Variants in TMEM80 observed in about 807,000 individuals in gnomAD.
The protein encoded by TMEM80 is transmembrane protein 80.
A neutral mutation model predicts 13.6 loss-of-function variants in TMEM80; 16 were observed. That is an observed-to-expected ratio of 1.17 (90% CI 0.79 to 1.78). The LOEUF is 1.78. TMEM80 is among the 40% of genes most tolerant of loss of function. TMEM80 has a pLI of 0.00. For missense variants in TMEM80, 167 were observed against 184.6 expected, an observed-to-expected ratio of 0.90 and a Z score of 0.55; for synonymous variants, 92 against 89.5, an observed-to-expected ratio of 1.03 and a Z score of -0.16.
At chr11:701,655 C>T (rs896818704) in intron 4 of TMEM80, among the ~76,000 whole-genome samples, 7 of 152,012 alleles carry the variant, frequency 4.6e-5, no homozygotes, top group Non-Finnish European at 1.0e-4. Flanking sequence ...CTGATCCGCC[C>T]ACCTCGGCCT....
At chr11:699,836 C>A in intron 2 of TMEM80, 1 of 324,550 alleles carries the variant, frequency 3.1e-6, no homozygotes, top group Non-Finnish European at 5.7e-6. Flanking sequence ...ACTGGGGATG[C>A]CAGTGTGTGG....
intron 4 of TMEM80, 70 bp from the exon 5 acceptor site, chr11:702,875 G>A: frequency 6.9e-7 from 1 of 1,449,974 alleles, no homozygotes; most frequent in Non-Finnish European, 9.4e-7. Context: ...CAGCCCTCCA[G>A]GCACCTGTGG....
At chr11:697,022 G>T in intron 1 of TMEM80, among the ~76,000 whole-genome samples, 1 of 151,086 alleles carries the variant, frequency 6.6e-6, no homozygotes. Flanking sequence ...TGGTGGGGGG[G>T]GTGGGGTGCG....
intron 1 of TMEM80, 61 bp from the exon 2 acceptor site, chr11:698,808 G>A (rs1861314026): frequency 1.9e-6 from 3 of 1,604,974 alleles, no homozygotes; most frequent in Middle Eastern, 1.7e-4. Flanking sequence ...AGTGTGGAGC[G>A]AGACCCGGGA....
chr11:700,049 C>T, intron 2 of TMEM80, 93 bp from the exon 3 acceptor site: 1 of 1,021,692 alleles, frequency 9.8e-7, no homozygotes, highest in Non-Finnish European at 1.5e-6. Context: ...TCTGTGGCCA[C>T]CAAACAGATG....
chr11:703,585 C>A lies in TMEM80; in HGVS notation c.*435C>A, dbSNP rs1294795953. On this transcript the variant is annotated 3_prime_UTR_variant, in exon 5 of 5. Transcript: ENST00000397510. ...GGTCCTAATTTGTGTTCTGAGATCC[C>A]AGTTTACTCCGTGGCCAGGCCCCAC... The A allele has an allele frequency of 8.9e-6, 11 of 1,233,280 alleles. No individual in the cohort carries two copies. Among genetic ancestry groups the A allele is most frequent in the African/African-American group, 6.2e-5 (4 of 64,446 alleles). The allele number at this position is 1,233,280 out of a possible 1,614,324, so 76.4% of individuals were successfully genotyped here.
chr11:696,357 A>G (rs1861156771), intron 1 of TMEM80, among the ~76,000 whole-genome samples: 1 of 152,194 alleles, frequency 6.6e-6, no homozygotes, highest in Admixed American at 6.5e-5. Context: ...CGGGCGCTGA[A>G]GTGCCAAACC....
intron 1 of TMEM80, among the ~76,000 whole-genome samples, chr11:697,012 TGG>T (rs1039468112): frequency 1.0e-5 from 1 of 95,558 alleles, no homozygotes; most frequent in African/African-American, 4.1e-5. Context: ...CCGGTGGTGG[TGG>T]TGGGGGGGGT....
chr11:701,479 T>C (rs569919876), intron 4 of TMEM80, among the ~76,000 whole-genome samples: 44 of 147,212 alleles, frequency 3.0e-4, no homozygotes, highest in Non-Finnish European at 5.2e-4. Flanking sequence ...GGCGTGAACT[T>C]GGCTCACTGC....
intron 3 of TMEM80, 42 bp from the exon 4 acceptor site, chr11:700,573 G>T: frequency 6.8e-7 from 1 of 1,478,288 alleles, no homozygotes; most frequent in Non-Finnish European, 9.5e-7. Flanking sequence ...TGCTGCTGCT[G>T]TGCCAGGTTA....
Position 702,957 on chromosome 11 carries a change from A to G in TMEM80, c.239A>G (p.Asn80Ser). The part of the protein sequence containing the change: ...AVRLYLGTRG[N>S]LTEAERPLAA... ...CTCTGTTCTCCAGGCACCAGGGGCAACCTGACAGAGGCTGAGAGGCCGCTG... is the reference window on the plus strand; with the variant it reads ...CTCTGTTCTCCAGGCACCAGGGGCAGCCTGACAGAGGCTGAGAGGCCGCTG... The change falls in exon 5 of 5, where the codon AAC (asparagine) becomes AGC (serine). Residue 80 changes from asparagine to serine, a missense_variant. Physicochemically the swap from Asn to Ser is conservative, Grantham distance 46. Transcript: ENST00000397510. The G allele has an allele frequency of 1.2e-6, 2 of 1,608,506 alleles. No individual in the cohort carries two copies. Among genetic ancestry groups the G allele is most frequent in the East Asian group, 4.5e-5 (2 of 44,766 alleles).
chr11:701,656 A>G (rs183249063), intron 4 of TMEM80, among the ~76,000 whole-genome samples: 2,061 of 151,030 alleles, frequency 0.014, 40 homozygotes, highest in African/African-American at 0.046. Context: ...TGATCCGCCC[A>G]CCTCGGCCTC....
At chr11:698,764 A>T (rs1003071114) in intron 1 of TMEM80, 105 bp from the exon 2 acceptor site, 1 of 1,363,318 alleles carries the variant, frequency 7.3e-7, no homozygotes, top group African/African-American at 1.4e-5. Flanking sequence ...CAAATACGAG[A>T]TCAAAGGAAA....
intron 1 of TMEM80, among the ~76,000 whole-genome samples, chr11:697,024 T>C (rs796158740): frequency 2.6e-5 from 2 of 76,150 alleles, no homozygotes; most frequent in Admixed American, 1.8e-4. Flanking sequence ...GTGGGGGGGG[T>C]GGGGTGCGGA....
intron 4 of TMEM80, chr11:700,914 A>G: frequency 1.6e-6 from 1 of 608,600 alleles, no homozygotes; most frequent in East Asian, 2.8e-5. Context: ...CACTGGGGGC[A>G]TCGTTGGGAG....
Position 703,210 on chromosome 11 carries a change from A to G in TMEM80, c.*60A>G. On this transcript the variant is annotated 3_prime_UTR_variant, in exon 5 of 5. Transcript: ENST00000397510. Reference sequence around the variant, plus strand: ...TCCTCCTGGGCCTGACCAGTCCCCCAGCTGTCACCTCCCCATTCCTGGACA... The same window carrying G: ...TCCTCCTGGGCCTGACCAGTCCCCCGGCTGTCACCTCCCCATTCCTGGACA... The G allele has an allele frequency of 2.0e-6, 3 of 1,519,818 alleles. No homozygotes were observed. The highest frequency in any genetic ancestry group is 1.3e-5 in the South Asian group (1 of 79,954). 94.1% of individuals were successfully genotyped at this position (1,519,818 alleles called of 1,614,324 possible).
chr11:701,932 C>G (rs1209272371), intron 4 of TMEM80, among the ~76,000 whole-genome samples: 1 of 152,224 alleles, frequency 6.6e-6, no homozygotes, highest in African/African-American at 2.4e-5. Flanking sequence ...TGCAGACTTC[C>G]AGCCCTCTGC....
intron 3 of TMEM80, 50 bp from the exon 4 acceptor site, chr11:700,565 C>T: frequency 1.4e-6 from 2 of 1,418,176 alleles, no homozygotes; most frequent in African/African-American, 2.8e-5. Context: ...GAGGTGGCTG[C>T]TGCTGCTGTG....
intron 4 of TMEM80, chr11:701,056 A>G (rs940995419): frequency 2.9e-6 from 1 of 349,664 alleles, no homozygotes; most frequent in Non-Finnish European, 5.5e-6. Context: ...CCTTGCCCTT[A>G]GCTGTCTGAG....
Sources: gnomAD v4.1 joint callset for allele counts (sites outside exome capture counted in the v4.1 genomes callset) on GRCh38, gnomAD v4.1.1 for gene constraint, MANE v1.5 for transcripts, NCBI Gene and HGNC (gene_info 2026-07-23, HGNC 2026-07-21) for gene names.